CAMKMT: variants seen among roughly 807,000 people sequenced by gnomAD.
CAMKMT encodes the protein calmodulin-lysine N-methyltransferase, also known as CaM KMT.
A neutral mutation model predicts 48.0 loss-of-function variants in CAMKMT; 53 were observed. The observed-to-expected ratio is 1.10, with a 90% CI of 0.89 to 1.39. The LOEUF is 1.39. CAMKMT is among the 40% of genes most tolerant of loss of function. The pLI is 0.00. For synonymous variants in CAMKMT, 165 were observed against 152.3 expected, an observed-to-expected ratio of 1.08 and a Z score of -0.61; for missense variants, 428 against 402.7, an observed-to-expected ratio of 1.06 and a Z score of -0.54.
chr2:44,386,152 G>T (rs907398754), intron 2 of CAMKMT, among the ~76,000 whole-genome samples: 7 of 151,976 alleles, frequency 4.6e-5, no homozygotes, highest in Non-Finnish European at 1.0e-4. Context: ...CAGTCTCGCT[G>T]CTTGTTATTG....
intron 3 of CAMKMT, among the ~76,000 whole-genome samples, chr2:44,468,151 C>T (rs1229181454): frequency 3.3e-5 from 5 of 152,026 alleles, no homozygotes; most frequent in Admixed American, 2.6e-4. Context: ...AACAATTCAA[C>T]AGCAAAAAAG....
chr2:44,445,469 C>T (rs1452132575), intron 3 of CAMKMT, among the ~76,000 whole-genome samples: 2 of 152,002 alleles, frequency 1.3e-5, no homozygotes, highest in East Asian at 1.9e-4. Context: ...AAAATGCCCT[C>T]TTTTTTCTTT....
At chr2:44,397,109 A>T (rs1681927458) in intron 3 of CAMKMT, among the ~76,000 whole-genome samples, 1 of 152,062 alleles carries the variant, frequency 6.6e-6, no homozygotes, top group South Asian at 2.1e-4. Flanking sequence ...TTAAAATAAT[A>T]CTTTTCTTGA....
At position 44,445,857 on chromosome 2, in the gene CAMKMT, T is replaced by C. The variant is rs1003636003; in HGVS notation, c.376+55552T>C. On this transcript the variant is annotated intron_variant, in intron 3 of 10. Coordinates refer to ENST00000378494, the MANE Select transcript of CAMKMT (RefSeq NM_024766.5). ...CAGACCATCAAACTCCAAATGGTCA[T>C]GCAACCAAAGTCTTGAAGTCTCGGA... 2.0e-5 allele frequency among the ~76,000 whole-genome samples: 3 copies of C among 151,934 alleles called. No homozygotes were observed. In the South Asian group the frequency reaches 6.2e-4, roughly 31 times the overall value.
At chr2:44,620,114 A>G (rs1672094796) in intron 3 of CAMKMT, among the ~76,000 whole-genome samples, 1 of 152,258 alleles carries the variant, frequency 6.6e-6, no homozygotes, top group African/African-American at 2.4e-5. Flanking sequence ...ATCTAAAAAG[A>G]CTTAGCAATA....
intron 3 of CAMKMT, among the ~76,000 whole-genome samples, chr2:44,654,232 T>C (rs879441740): frequency 2.0e-5 from 3 of 152,196 alleles, no homozygotes; most frequent in South Asian, 2.1e-4. Flanking sequence ...TGTGGGGGAA[T>C]GTAATTCTAT....
intron 3 of CAMKMT, among the ~76,000 whole-genome samples, chr2:44,588,840 C>T (rs1219982381): frequency 5.7e-5 from 2 of 35,094 alleles, no homozygotes; most frequent in African/African-American, 1.2e-4. Flanking sequence ...GTCAGCCCCC[C>T]GCCCGGCCAG....
chr2:44,589,883 TAAAAAAAAAAAAGA>T (rs1298633595), intron 3 of CAMKMT, among the ~76,000 whole-genome samples: 4 of 23,268 alleles, frequency 1.7e-4, no homozygotes, highest in Non-Finnish European at 2.6e-4. Flanking sequence ...GAATGATCAA[TAAAAAAAAAAAAGA>T]AAAAAAAAAA....
chr2:44,390,187 C>G, intron 2 of CAMKMT, 54 bp from the exon 3 acceptor site: 2 of 1,417,042 alleles, frequency 1.4e-6, no homozygotes, highest in Non-Finnish European at 2.0e-6. Context: ...TTTTTGAATA[C>G]TAAAAATGTT....
intron 3 of CAMKMT, among the ~76,000 whole-genome samples, chr2:44,601,867 G>T (rs1671012154): frequency 6.6e-6 from 1 of 151,918 alleles, no homozygotes; most frequent in South Asian, 2.1e-4. Flanking sequence ...AAGTAATCAT[G>T]ATTCCATGTC....
intron 3 of CAMKMT, among the ~76,000 whole-genome samples, chr2:44,610,267 G>A (rs1671527973): frequency 6.6e-6 from 1 of 152,134 alleles, no homozygotes; most frequent in African/African-American, 2.4e-5. Flanking sequence ...TAGTTGAAGA[G>A]AAAGGCATAT....
At chr2:44,380,736 A>G (rs1166749476) in intron 2 of CAMKMT, among the ~76,000 whole-genome samples, 2 of 152,206 alleles carry the variant, frequency 1.3e-5, no homozygotes, top group African/African-American at 4.8e-5. Context: ...TAGGGTTTTT[A>G]AACCCTGATA....
intron 3 of CAMKMT, among the ~76,000 whole-genome samples, chr2:44,487,497 A>G (rs927503719): frequency 2.0e-5 from 3 of 152,192 alleles, no homozygotes; most frequent in Non-Finnish European, 4.4e-5. Flanking sequence ...TGTCAAATTA[A>G]CAGGTTTTTT....
intron 3 of CAMKMT, among the ~76,000 whole-genome samples, chr2:44,585,979 C>T (rs1470577532): frequency 1.3e-5 from 2 of 152,198 alleles, no homozygotes; most frequent in African/African-American, 4.8e-5. Context: ...TTTTACACTA[C>T]AGGGAAGCTA....
intron 3 of CAMKMT, among the ~76,000 whole-genome samples, chr2:44,480,475 A>G (rs1668910968): frequency 1.3e-5 from 2 of 152,180 alleles, no homozygotes; most frequent in Non-Finnish European, 2.9e-5. Context: ...TTTTTGGTTC[A>G]AGTCAAAATA....
intron 3 of CAMKMT, among the ~76,000 whole-genome samples, chr2:44,670,017 T>C (rs1195700003): frequency 6.6e-6 from 1 of 152,202 alleles, no homozygotes; most frequent in African/African-American, 2.4e-5. Flanking sequence ...TTTTCTCTCT[T>C]GTGAAATGCC....
intron 3 of CAMKMT, among the ~76,000 whole-genome samples, chr2:44,616,539 T>TC (rs1338074369): frequency 1.3e-5 from 2 of 151,320 alleles, no homozygotes; most frequent in African/African-American, 4.9e-5. Flanking sequence ...TAACAATATA[T>TC]TTTTTTGATT....
At chr2:44,712,243 T>C (rs940916070) in intron 6 of CAMKMT, among the ~76,000 whole-genome samples, 13 of 152,226 alleles carry the variant, frequency 8.5e-5, no homozygotes, top group African/African-American at 3.1e-4. Flanking sequence ...ATTTTTGGTA[T>C]TCCAGCGAAA....
chr2:44,726,280 C>T (rs1216243447), intron 7 of CAMKMT, among the ~76,000 whole-genome samples: 2 of 152,154 alleles, frequency 1.3e-5, no homozygotes, highest in Non-Finnish European at 2.9e-5. Context: ...TCCACAGCCT[C>T]GCCAGCATCT....
Sources: allele counts gnomAD v4.1 joint callset (sites outside exome capture counted in the v4.1 genomes callset), GRCh38; gene constraint gnomAD v4.1.1; transcripts MANE v1.5; gene names NCBI Gene and HGNC (gene_info 2026-07-23, HGNC 2026-07-21).